EPHA3: variants seen among roughly 807,000 people sequenced by gnomAD.
EPHA3 encodes EPH receptor A3.
Under a neutral mutation model 107.1 loss-of-function variants are expected in EPHA3, and 42 were observed. That is an observed-to-expected ratio of 0.39 (90% CI 0.31 to 0.51). The LOEUF is 0.51. EPHA3 is among the 20% of genes least tolerant of loss of function. The pLI is 0.78. For synonymous variants in EPHA3, 461 were observed against 424.8 expected, an observed-to-expected ratio of 1.09 and a Z score of -1.05; for missense variants, 1,183 against 1,211.2, an observed-to-expected ratio of 0.98 and a Z score of 0.35.
chr3:89,113,575 G>C (rs540057842), intron 1 of EPHA3, among the ~76,000 whole-genome samples: 1 of 134,152 alleles, frequency 7.5e-6, no homozygotes, highest in African/African-American at 2.7e-5. Context: ...AATAAAAAAA[G>C]TTGATTAGAA....
chr3:89,120,281 T>C (rs533597257), intron 1 of EPHA3, among the ~76,000 whole-genome samples: 2 of 152,338 alleles, frequency 1.3e-5, no homozygotes, highest in South Asian at 2.1e-4. Context: ...AATAAAATGC[T>C]GTTTACATAA....
At chr3:89,478,517 A>G (rs1414904111) in intron 16 of EPHA3, among the ~76,000 whole-genome samples, 1 of 152,200 alleles carries the variant, frequency 6.6e-6, no homozygotes, top group Non-Finnish European at 1.5e-5. Flanking sequence ...GCCTTGGTAC[A>G]GTTAGCTGTA....
intron 5 of EPHA3, among the ~76,000 whole-genome samples, chr3:89,357,047 G>T (rs1707975013): frequency 1.6e-5 from 2 of 128,084 alleles, no homozygotes; most frequent in African/African-American, 2.8e-5. Context: ...GGTGTAGGTT[G>T]CAGTGAGCCG....
chr3:89,279,815 T>G (rs183543475), intron 3 of EPHA3, among the ~76,000 whole-genome samples: 1 of 152,150 alleles, frequency 6.6e-6, no homozygotes, highest in African/African-American at 2.4e-5. Flanking sequence ...TAACAATAAA[T>G]AATATCAAAG....
rs114266588 is a variant in EPHA3 at position 89,412,455 on chromosome 3, A to G, written c.1763-686A>G. Among the ~76,000 whole-genome samples the G allele has an allele frequency of 5.9e-3, 900 of 151,682 alleles. 11 individuals carry two copies. Among genetic ancestry groups the G allele is most frequent in the African/African-American group, 0.02 (825 of 41,466 alleles). ...TTTATTTTACTTCTAATTATGTTAT[A>G]AAGCTATACAATATGATTATATTTA... is the stretch of plus-strand genomic sequence containing the variant. On this transcript the variant is annotated intron_variant, in intron 9 of 16. Coordinates refer to ENST00000336596, the MANE Select transcript of EPHA3 (RefSeq NM_005233.6).
At chr3:89,175,804 T>C (rs1470714879) in intron 2 of EPHA3, among the ~76,000 whole-genome samples, 2 of 152,132 alleles carry the variant, frequency 1.3e-5, no homozygotes, top group Non-Finnish European at 2.9e-5. Context: ...TCTTATATTC[T>C]GGTACCCTTA....
chr3:89,192,933 T>G (rs1477992846), intron 2 of EPHA3, among the ~76,000 whole-genome samples: 1 of 152,054 alleles, frequency 6.6e-6, no homozygotes, highest in East Asian at 1.9e-4. Flanking sequence ...CTTGTAAAAT[T>G]TGAGGTAGAA....
intron 5 of EPHA3, among the ~76,000 whole-genome samples, chr3:89,352,902 C>CAAAAAAAAAAAAAAAAA (rs1215369952): frequency 7.8e-4 from 32 of 40,988 alleles, no homozygotes; most frequent in African/African-American, 3.1e-3. Flanking sequence ...GACTCTGTCT[C>CAAAAAAAAAAAAAAAAA]AAAAAAAAAA....
intron 5 of EPHA3, among the ~76,000 whole-genome samples, chr3:89,352,619 C>T (rs1014962908): frequency 6.6e-6 from 1 of 150,980 alleles, no homozygotes; most frequent in Non-Finnish European, 1.5e-5. Context: ...AGAATCCACA[C>T]TAGGCTAGGT....
At chr3:89,325,384 G>T (rs996821944) in intron 3 of EPHA3, among the ~76,000 whole-genome samples, 2 of 151,936 alleles carry the variant, frequency 1.3e-5, no homozygotes, top group African/African-American at 2.4e-5. Flanking sequence ...ACATTTTCCC[G>T]ATAGAAGCAA....
chr3:89,307,059 TAA>T (rs748593817), intron 3 of EPHA3, among the ~76,000 whole-genome samples: 1 of 152,202 alleles, frequency 6.6e-6, no homozygotes, highest in African/African-American at 2.4e-5. Flanking sequence ...CATAATGATA[TAA>T]GTTATTACTT....
At chr3:89,199,934 C>T (rs1167493187) in intron 2 of EPHA3, among the ~76,000 whole-genome samples, 2 of 152,100 alleles carry the variant, frequency 1.3e-5, no homozygotes, top group Non-Finnish European at 2.9e-5. Flanking sequence ...AAATAGGGCG[C>T]TTACTTGGTT....
intron 5 of EPHA3, among the ~76,000 whole-genome samples, chr3:89,358,077 A>G (rs1196248341): frequency 1.3e-5 from 2 of 151,232 alleles, no homozygotes; most frequent in African/African-American, 4.8e-5. Flanking sequence ...TTAGGAATGT[A>G]AAGATCTAGA....
intron 2 of EPHA3, among the ~76,000 whole-genome samples, chr3:89,141,095 C>T (rs1704422326): frequency 6.6e-6 from 1 of 151,548 alleles, no homozygotes; most frequent in South Asian, 2.1e-4. Context: ...ATCAGACAAT[C>T]TGATTCCCAT....
At chr3:89,354,164 A>G (rs1290636964) in intron 5 of EPHA3, among the ~76,000 whole-genome samples, 1 of 151,346 alleles carries the variant, frequency 6.6e-6, no homozygotes, top group African/African-American at 2.4e-5. Context: ...GTCTCAAATC[A>G]CAATAAAATC....
intron 3 of EPHA3, among the ~76,000 whole-genome samples, chr3:89,247,563 A>C (rs1286666769): frequency 1.3e-5 from 2 of 152,188 alleles, no homozygotes; most frequent in Non-Finnish European, 2.9e-5. Flanking sequence ...AGAAAGAAGC[A>C]GAACCCAAAA....
At chr3:89,189,019 A>C (rs1190555272) in intron 2 of EPHA3, among the ~76,000 whole-genome samples, 4 of 152,160 alleles carry the variant, frequency 2.6e-5, no homozygotes, top group Non-Finnish European at 4.4e-5. Context: ...TGCTTCTCTC[A>C]TGTGCTATCT....
intron 5 of EPHA3, among the ~76,000 whole-genome samples, chr3:89,395,201 C>A (rs1708822737): frequency 6.6e-6 from 1 of 152,078 alleles, no homozygotes; most frequent in Non-Finnish European, 1.5e-5. Context: ...TTCCTTGGTA[C>A]CTCTCATTAA....
At position 89,120,153 on chromosome 3, in the gene EPHA3, T is replaced by G. The variant is rs1403536564; in HGVS notation, c.89-7056T>G. Among the ~76,000 whole-genome samples the G allele has an allele frequency of 2.6e-5, 4 of 152,220 alleles. No individual in the cohort carries two copies. In the East Asian group the frequency reaches 7.7e-4, roughly 29 times the overall value. On this transcript the variant is annotated intron_variant, in intron 1 of 16. Transcript: ENST00000336596. ...TCCCTTAATGACTATTTGTATTTCA[T>G]AATTGAGTAATATGTTTTCATTTTT... is the stretch of plus-strand genomic sequence containing the variant.
Sources: gnomAD v4.1 joint callset for allele counts (sites outside exome capture counted in the v4.1 genomes callset) on GRCh38, gnomAD v4.1.1 for gene constraint, MANE v1.5 for transcripts, NCBI Gene and HGNC (gene_info 2026-07-23, HGNC 2026-07-21) for gene names.